Variants in COL11A1 observed in about 807,000 individuals in gnomAD.
COL11A1 encodes the protein collagen type XI alpha 1 chain.
COL11A1 carries 74 observed loss-of-function variants against 265.2 expected under a neutral mutation model. That is an observed-to-expected ratio of 0.28 (90% CI 0.23 to 0.34). COL11A1 has a LOEUF of 0.34. Ranked by LOEUF, COL11A1 falls within the 10% of genes least tolerant of loss-of-function variation. The pLI is 1.00. For missense variants in COL11A1, 2,165 were observed against 2,263.6 expected (o/e 0.96, Z 0.88); for synonymous variants, 816 against 727.6 (o/e 1.12, Z -1.96).
At chr1:102,990,635 T>A (rs1664039813) in intron 28 of COL11A1, among the ~76,000 whole-genome samples, 2 of 152,052 alleles carry the variant, frequency 1.3e-5, no homozygotes, top group Non-Finnish European at 2.9e-5. Flanking sequence ...GAAAAAAAAA[T>A]TAAATTACTA....
At chr1:103,029,995 A>T (rs960510944) in intron 5 of COL11A1, among the ~76,000 whole-genome samples, 7 of 152,092 alleles carry the variant, frequency 4.6e-5, no homozygotes, top group African/African-American at 1.7e-4. Flanking sequence ...TTGAAAATAT[A>T]CAGTAAATGC....
chr1:102,899,036 A>T, intron 54 of COL11A1, 42 bp from the exon 55 acceptor site: 1 of 1,183,632 alleles, frequency 8.4e-7, no homozygotes, highest in Admixed American at 2.1e-5. Flanking sequence ...ATCACATATA[A>T]AAGTAATGTT....
In COL11A1 at chr1:103,065,666, A is replaced by T. The variant is rs368092071; in HGVS notation, c.651+8952T>A. On this transcript the variant is annotated intron_variant, in intron 4 of 66. Transcript: ENST00000370096. ...AGGAAGAGTTTTTAAAACAGCTATTATAACTCTCCTCCAAGAAGCAAGTGA... is the reference window on the plus strand; with the variant it reads ...AGGAAGAGTTTTTAAAACAGCTATTTTAACTCTCCTCCAAGAAGCAAGTGA... 2.6e-5 allele frequency among the ~76,000 whole-genome samples: 4 copies of T among 152,048 alleles called. No individual in the cohort carries two copies. The East Asian group carries it at 7.7e-4, about 29-fold the overall frequency.
In COL11A1 at chr1:102,997,243, A is replaced by T. The variant is rs190089888; in HGVS notation, c.2197-119T>A. 3.6e-4 allele frequency: 351 copies of T among 969,758 alleles called. No homozygotes were observed. The African/African-American group carries it at 3.8e-3, about 11-fold the overall frequency. The allele number at this position is 969,758 out of a possible 1,614,324, so 60.1% of individuals were successfully genotyped here. Reference sequence around the variant, plus strand: ...ATCTTACTCTTTAAGTTTCAAAAACATTGAACACTTTTGCATCAGTGTGTA... The same window carrying T: ...ATCTTACTCTTTAAGTTTCAAAAACTTTGAACACTTTTGCATCAGTGTGTA... On this transcript the variant is annotated intron_variant, in intron 25 of 66. Transcript: ENST00000370096.
intron 2 of COL11A1, among the ~76,000 whole-genome samples, chr1:103,080,711 T>A (rs571628044): frequency 6.6e-6 from 1 of 151,934 alleles, no homozygotes; most frequent in Non-Finnish European, 1.5e-5. Flanking sequence ...TGTTTCATAC[T>A]ATTGGTGAAA....
chr1:102,994,811 G>T (rs1055361586), intron 28 of COL11A1, among the ~76,000 whole-genome samples: 2 of 152,046 alleles, frequency 1.3e-5, no homozygotes, highest in Non-Finnish European at 1.5e-5. Flanking sequence ...TACTACCTGA[G>T]ACTGCGTAAT....
intron 1 of COL11A1, among the ~76,000 whole-genome samples, chr1:103,107,730 C>T (rs1674820773): frequency 6.6e-6 from 1 of 152,112 alleles, no homozygotes; most frequent in Admixed American, 6.5e-5. Flanking sequence ...GACTGTGCCT[C>T]AAACAAAAGC....
intron 54 of COL11A1, among the ~76,000 whole-genome samples, chr1:102,905,799 A>T (rs902115237): frequency 2.0e-5 from 3 of 152,156 alleles, no homozygotes; most frequent in African/African-American, 7.2e-5. Context: ...TTAAAATCAC[A>T]ATATACTATA....
At chr1:102,964,674 C>T (rs377676233) in intron 38 of COL11A1, among the ~76,000 whole-genome samples, 2 of 151,414 alleles carry the variant, frequency 1.3e-5, no homozygotes, top group South Asian at 4.2e-4. Context: ...GTGTGAGTTA[C>T]AGTGTTGAGA....
chr1:102,937,553 G>A (rs112617982), intron 44 of COL11A1, among the ~76,000 whole-genome samples: 4,990 of 152,228 alleles, frequency 0.033, 106 homozygotes, highest in Middle Eastern at 0.085. Flanking sequence ...GCTGCATAGC[G>A]ATTGAGTTCT....
chr1:103,059,907 C>T (rs1670533554), intron 4 of COL11A1, among the ~76,000 whole-genome samples: 1 of 151,720 alleles, frequency 6.6e-6, no homozygotes, highest in Non-Finnish European at 1.5e-5. Flanking sequence ...TAATTACACA[C>T]AATAGGAATA....
Position 102,997,591 on chromosome 1 carries a change from G to A in COL11A1, c.2197-467C>T, listed in dbSNP as rs1193329160. On this transcript the variant is annotated intron_variant, in intron 25 of 66. Transcript: ENST00000370096. Reference sequence around the variant, plus strand: ...ACAGTGTTAATAATCAACTTATTGAGATTCAGTAAATAAAAATGTATAGCC... The same window carrying A: ...ACAGTGTTAATAATCAACTTATTGAAATTCAGTAAATAAAAATGTATAGCC... 2.0e-5 allele frequency among the ~76,000 whole-genome samples: 3 copies of A among 151,722 alleles called. No homozygotes were observed. The East Asian group carries it at 5.8e-4, about 29-fold the overall frequency.
At chr1:103,067,532 C>T (rs1056830521) in intron 4 of COL11A1, among the ~76,000 whole-genome samples, 1 of 151,626 alleles carries the variant, frequency 6.6e-6, no homozygotes, top group Non-Finnish European at 1.5e-5. Context: ...GGGAAAAAAG[C>T]AAATCTCGAA....
chr1:102,912,884 C>T (rs1377878758), intron 53 of COL11A1, among the ~76,000 whole-genome samples: 1 of 152,202 alleles, frequency 6.6e-6, no homozygotes, highest in Non-Finnish European at 1.5e-5. Flanking sequence ...CTTGCTTCGC[C>T]TTCCACCATA....
intron 20 of COL11A1, among the ~76,000 whole-genome samples, chr1:103,003,937 C>G (rs1665366894): frequency 6.6e-6 from 1 of 152,084 alleles, no homozygotes; most frequent in African/African-American, 2.4e-5. Context: ...TAGAATGCAG[C>G]AATTTAAAAC....
chr1:103,026,008 A>G (rs1667482283), intron 6 of COL11A1: 1 of 1,549,600 alleles, frequency 6.5e-7, no homozygotes, highest in Non-Finnish European at 8.9e-7. Flanking sequence ...GGAGGGAAAT[A>G]TAGAGCACAG....
chr1:102,962,015 T>A (rs2101570938), intron 40 of COL11A1, 96 bp from the exon 41 acceptor site: 2 of 1,188,284 alleles, frequency 1.7e-6, no homozygotes, highest in Admixed American at 1.9e-5. Flanking sequence ...TGTCAGGTAA[T>A]GTTTATAGAC....
chr1:102,950,086 A>G (rs999959596), intron 41 of COL11A1, among the ~76,000 whole-genome samples: 2 of 152,138 alleles, frequency 1.3e-5, no homozygotes, highest in Admixed American at 6.5e-5. Context: ...GCTTGAGGCC[A>G]GGAGTTCAAG....
intron 62 of COL11A1, 62 bp from the exon 63 acceptor site, chr1:102,887,118 T>G: frequency 1.3e-6 from 2 of 1,596,530 alleles, no homozygotes; most frequent in Non-Finnish European, 8.6e-7. Context: ...CAGATATTAA[T>G]TATTACTGGT....
Sources: gnomAD v4.1 joint callset for allele counts (sites outside exome capture counted in the v4.1 genomes callset) on GRCh38, gnomAD v4.1.1 for gene constraint, MANE v1.5 for transcripts, NCBI Gene and HGNC (gene_info 2026-07-23, HGNC 2026-07-21) for gene names.